C1orf141: variants seen among roughly 807,000 people sequenced by gnomAD.
C1orf141 encodes the protein chromosome 1 open reading frame 141.
C1orf141 carries 19 observed loss-of-function variants against 23.2 expected under a neutral mutation model. The observed-to-expected ratio is 0.82, with a 90% CI of 0.57 to 1.20. The LOEUF is 1.20. Ranked by LOEUF, C1orf141 falls within the 50% of genes most tolerant of loss-of-function variation. C1orf141 has a pLI of 0.00. For missense variants in C1orf141, 469 were observed against 455.1 expected, an observed-to-expected ratio of 1.03 and a Z score of -0.28; for synonymous variants, 153 against 154.6, an observed-to-expected ratio of 0.99 and a Z score of 0.08.
At chr1:67,116,820 C>T (rs1361411909) in intron 4 of C1orf141, among the ~76,000 whole-genome samples, 2 of 152,304 alleles carry the variant, frequency 1.3e-5, no homozygotes, top group Non-Finnish European at 2.9e-5. Context: ...ACGTGGCCTA[C>T]TCTTTCATTT....
chr1:67,127,139 C>T (rs1646430228), intron 3 of C1orf141, 27 bp downstream of exon 3: 4 of 1,498,918 alleles, frequency 2.7e-6, no homozygotes, highest in Non-Finnish European at 3.6e-6. Context: ...AATGATTAAA[C>T]TGAATTGTAG....
chr1:67,129,402 C>T (rs1027804817), intron 2 of C1orf141, among the ~76,000 whole-genome samples: 1 of 152,082 alleles, frequency 6.6e-6, no homozygotes, highest in Non-Finnish European at 1.5e-5. Flanking sequence ...GAGTTTGAGG[C>T]TGCAGTGAGC....
At chr1:67,107,623 T>G (rs1645960800) in intron 5 of C1orf141, among the ~76,000 whole-genome samples, 1 of 152,224 alleles carries the variant, frequency 6.6e-6, no homozygotes, top group South Asian at 2.1e-4. Context: ...GCATAGTGGC[T>G]CACGCCTGTA....
At chr1:67,095,657 C>T (rs547631962) in intron 6 of C1orf141, 80 of 370,386 alleles carry the variant, frequency 2.2e-4, no homozygotes, top group African/African-American at 1.5e-3. Context: ...TGAGTGGGGA[C>T]GAGTTGTATT....
intron 1 of C1orf141, among the ~76,000 whole-genome samples, chr1:67,133,779 C>T (rs1046805604): frequency 6.6e-6 from 1 of 152,144 alleles, no homozygotes; most frequent in Non-Finnish European, 1.5e-5. Flanking sequence ...CACCCCAAGC[C>T]AAGGAGCGAG....
intron 7 of C1orf141, chr1:67,094,749 A>G (rs1645633534): frequency 6.5e-6 from 1 of 152,726 alleles, no homozygotes. Flanking sequence ...TAATAAATGC[A>G]CTTTCTGGTT....
intron 5 of C1orf141, among the ~76,000 whole-genome samples, chr1:67,112,119 T>C (rs576880073): frequency 6.6e-6 from 1 of 152,280 alleles, no homozygotes; most frequent in African/African-American, 2.4e-5. Context: ...TGGGTCCAAA[T>C]TGCACCTTTT....
intron 3 of C1orf141, among the ~76,000 whole-genome samples, chr1:67,126,290 C>T (rs962791114): frequency 1.3e-5 from 2 of 152,092 alleles, no homozygotes; most frequent in African/African-American, 2.4e-5. Context: ...GCCACACGCA[C>T]GATGAATCAC....
chr1:67,101,359 A>G (rs900718970), intron 5 of C1orf141, among the ~76,000 whole-genome samples: 2 of 152,110 alleles, frequency 1.3e-5, no homozygotes. Flanking sequence ...CTGACTTACA[A>G]TAAGGAAAGG....
At chr1:67,138,455 T>C (rs79750253), upstream of C1orf141, among the ~76,000 whole-genome samples, 1,946 of 152,308 alleles carry the variant, frequency 0.013, 46 homozygotes, top group African/African-American at 0.045. Flanking sequence ...TTGGCTTCAA[T>C]TACACAACTC....
At chr1:67,093,628 T>C in intron 7 of C1orf141, 24 bp from the exon 8 acceptor site, 1 of 1,502,642 alleles carries the variant, frequency 6.7e-7, no homozygotes, top group East Asian at 2.3e-5. Context: ...AAAAGAATAA[T>C]TAGTCATAAG....
intron 1 of C1orf141, among the ~76,000 whole-genome samples, chr1:67,133,591 C>T (rs892786926): frequency 1.3e-5 from 2 of 152,124 alleles, no homozygotes; most frequent in African/African-American, 4.8e-5. Flanking sequence ...GTCCTAGGCC[C>T]CAGGATCTCA....
At chr1:67,123,176 C>T (rs1243368201) in intron 4 of C1orf141, 4 of 149,774 alleles carry the variant, frequency 2.7e-5, no homozygotes, top group Admixed American at 6.7e-5. Context: ...GCACTCCAGC[C>T]TGGGCGACAA....
intron 1 of C1orf141, among the ~76,000 whole-genome samples, chr1:67,134,003 ATTTATT>A (rs973941742): frequency 3.9e-5 from 6 of 152,036 alleles, no homozygotes; most frequent in Non-Finnish European, 7.4e-5. Context: ...TCCCTTATTT[ATTTATT>A]TTTATTTTTG....
chr1:67,125,874 A>G lies in C1orf141; in HGVS notation c.111T>C (p.Thr37=). ...AATCAAATGTCAGGGGTATAGCCAT[A>G]GTTGTTTTTCTTCCTTCACTCTGAA... ...NRLQSEGRKT[T]MAIPLTFDFQ... The change falls in exon 4 of 8, where the codon ACT becomes ACC. Residue 37 remains threonine, a synonymous_variant. Transcript: ENST00000684719. The G allele has an allele frequency of 6.3e-7, 1 of 1,576,446 alleles. No homozygotes were observed. The highest frequency in any genetic ancestry group is 8.6e-7 in the Non-Finnish European group (1 of 1,156,294).
At chr1:67,135,002 C>G (rs1446009213), upstream of C1orf141, 1 of 150,760 alleles carries the variant, frequency 6.6e-6, no homozygotes, top group African/African-American at 2.4e-5. Context: ...CCCTTAGCAA[C>G]GCGTCCTCGG....
intron 1 of C1orf141, among the ~76,000 whole-genome samples, chr1:67,141,169 A>C (rs1275877335): frequency 6.6e-6 from 1 of 152,232 alleles, no homozygotes; most frequent in Admixed American, 6.5e-5. Context: ...TTTTAAGACA[A>C]AGTATAAGTC....
chr1:67,114,414 T>C (rs1646145087), intron 5 of C1orf141, among the ~76,000 whole-genome samples: 1 of 152,128 alleles, frequency 6.6e-6, no homozygotes, highest in African/African-American at 2.4e-5. Context: ...TAAGGAAATA[T>C]GACATTATGA....
intron 5 of C1orf141, among the ~76,000 whole-genome samples, chr1:67,109,093 C>T (rs537854080): frequency 1.3e-5 from 2 of 151,956 alleles, no homozygotes; most frequent in South Asian, 4.2e-4. Context: ...TTTGTGAGGC[C>T]GAGGCAGGCG....
Sources: gnomAD v4.1 joint callset for allele counts (sites outside exome capture counted in the v4.1 genomes callset) on GRCh38, gnomAD v4.1.1 for gene constraint, MANE v1.5 for transcripts, NCBI Gene and HGNC (gene_info 2026-07-23, HGNC 2026-07-21) for gene names.